Variants in KIF6 observed in about 807,000 individuals in gnomAD.
The protein encoded by KIF6 is kinesin-like protein KIF6.
Under a neutral mutation model 112.7 loss-of-function variants are expected in KIF6, and 106 were observed. That is an observed-to-expected ratio of 0.94 (90% CI 0.80 to 1.11). KIF6 has a LOEUF of 1.11. KIF6 is among the 50% of genes least tolerant of loss of function. The probability of loss-of-function intolerance (pLI) is 0.00; values close to 1 mark genes in which losing one functional copy is unlikely to be tolerated. For missense variants in KIF6, 929 were observed against 964.0 expected (o/e 0.96, Z 0.48); for synonymous variants, 339 against 339.9 (o/e 1.00, Z 0.03).
chr6:39,362,343 CCTGAG>C, intron 17 of KIF6, 86 bp downstream of exon 17: 1 of 954,096 alleles, frequency 1.0e-6, no homozygotes, highest in Non-Finnish European at 1.7e-6. Flanking sequence ...GACCCACATC[CCTGAG>C]TAGCTGCAGC....
intron 3 of KIF6, among the ~76,000 whole-genome samples, chr6:39,641,834 T>C (rs920239423): frequency 3.9e-5 from 6 of 152,152 alleles, no homozygotes; most frequent in African/African-American, 1.4e-4. Flanking sequence ...CCAGTTGTCC[T>C]AGTATGTCTG....
chr6:39,393,004 T>A (rs907718420), intron 15 of KIF6, among the ~76,000 whole-genome samples: 2 of 152,260 alleles, frequency 1.3e-5, no homozygotes, highest in East Asian at 3.9e-4. Flanking sequence ...TTACAGAACT[T>A]CAGGGAATCA....
intron 10 of KIF6, among the ~76,000 whole-genome samples, chr6:39,566,403 G>A (rs1426973777): frequency 6.6e-6 from 1 of 152,102 alleles, no homozygotes; most frequent in Non-Finnish European, 1.5e-5. Context: ...ATATCTTAAA[G>A]GTTTCGGCAA....
intron 13 of KIF6, among the ~76,000 whole-genome samples, chr6:39,447,962 T>G (rs1268021030): frequency 6.6e-6 from 1 of 152,178 alleles, no homozygotes; most frequent in Non-Finnish European, 1.5e-5. Flanking sequence ...TGCACGTAAC[T>G]GCTACTGGTC....
intron 9 of KIF6, among the ~76,000 whole-genome samples, chr6:39,579,110 T>A (rs1403877973): frequency 2.0e-5 from 3 of 152,330 alleles, no homozygotes; most frequent in African/African-American, 7.2e-5. Flanking sequence ...AGAAGTAGGA[T>A]TTCCTGGCTG....
chr6:39,429,720 A>G (rs936692326), intron 14 of KIF6, among the ~76,000 whole-genome samples: 6 of 152,176 alleles, frequency 3.9e-5, no homozygotes, highest in East Asian at 3.9e-4. Flanking sequence ...CATCGTGGCT[A>G]ACACAGTGAA....
chr6:39,434,625 A>G (rs1203185668), intron 13 of KIF6, among the ~76,000 whole-genome samples: 2 of 152,046 alleles, frequency 1.3e-5, no homozygotes, highest in Non-Finnish European at 2.9e-5. Flanking sequence ...AAGAAAAGTG[A>G]ACAAATATTT....
At chr6:39,533,575 T>TG (rs1473244715) in intron 13 of KIF6, among the ~76,000 whole-genome samples, 1 of 152,180 alleles carries the variant, frequency 6.6e-6, no homozygotes, top group African/African-American at 2.4e-5. Context: ...GCTCCACCTC[T>TG]GGGGGCAGGG....
chr6:39,539,767 A>G (rs1778680974), intron 13 of KIF6, among the ~76,000 whole-genome samples: 2 of 152,174 alleles, frequency 1.3e-5, no homozygotes, highest in African/African-American at 4.8e-5. Flanking sequence ...TAACTTTTTT[A>G]CTGTTACCCT....
chr6:39,339,840 C>G (rs1482404941), intron 22 of KIF6, among the ~76,000 whole-genome samples: 1 of 152,182 alleles, frequency 6.6e-6, no homozygotes, highest in Non-Finnish European at 1.5e-5. Flanking sequence ...TTGGTGAAGC[C>G]TAAGAGCTGG....
At chr6:39,677,193 A>T (rs960461312) in intron 3 of KIF6, among the ~76,000 whole-genome samples, 1 of 152,114 alleles carries the variant, frequency 6.6e-6, no homozygotes, top group Non-Finnish European at 1.5e-5. Context: ...AATAGACTTT[A>T]AGATATAAAG....
chr6:39,623,118 T>C (rs1365959382), intron 5 of KIF6, among the ~76,000 whole-genome samples: 1 of 152,238 alleles, frequency 6.6e-6, no homozygotes, highest in Non-Finnish European at 1.5e-5. Flanking sequence ...TTACATTGTA[T>C]AGAATATGAT....
At chr6:39,369,144 C>A (rs1765780714) in intron 16 of KIF6, among the ~76,000 whole-genome samples, 2 of 152,222 alleles carry the variant, frequency 1.3e-5, no homozygotes, top group South Asian at 4.1e-4. Flanking sequence ...CAATGGTCAG[C>A]AGCTCAGAGG....
intron 14 of KIF6, among the ~76,000 whole-genome samples, chr6:39,429,632 A>T (rs113524498): frequency 6.6e-6 from 1 of 152,192 alleles, no homozygotes; most frequent in Non-Finnish European, 1.5e-5. Context: ...TTTTTAGGCC[A>T]GGCGCAGTGG....
At chr6:39,580,806 C>A (rs1206542955) in intron 9 of KIF6, among the ~76,000 whole-genome samples, 1 of 152,156 alleles carries the variant, frequency 6.6e-6, no homozygotes, top group Non-Finnish European at 1.5e-5. Context: ...TAGAACATTA[C>A]AGACCTGTCT....
intron 16 of KIF6, among the ~76,000 whole-genome samples, chr6:39,379,099 A>G (rs1344015108): frequency 1.3e-5 from 2 of 152,198 alleles, no homozygotes; most frequent in Admixed American, 1.3e-4. Flanking sequence ...TCTGGCTTGT[A>G]TTTAGTTCCA....
intron 5 of KIF6, among the ~76,000 whole-genome samples, chr6:39,622,709 C>A (rs1008010876): frequency 1.3e-5 from 2 of 152,216 alleles, no homozygotes; most frequent in African/African-American, 4.8e-5. Context: ...AAATTCTGGT[C>A]AGTGACAAAT....
At chr6:39,539,280 A>G (rs1248901591) in intron 13 of KIF6, among the ~76,000 whole-genome samples, 1 of 151,952 alleles carries the variant, frequency 6.6e-6, no homozygotes, top group East Asian at 1.9e-4. Flanking sequence ...AGTTGGCCCA[A>G]CCCTGCCAAA....
chr6:39,615,329 T>C (rs1188268893), intron 5 of KIF6, among the ~76,000 whole-genome samples: 1 of 152,200 alleles, frequency 6.6e-6, no homozygotes, highest in Non-Finnish European at 1.5e-5. Flanking sequence ...ATACTATTCT[T>C]GTGCAAGTTT....
Sources: allele counts gnomAD v4.1 joint callset (sites outside exome capture counted in the v4.1 genomes callset), GRCh38; gene constraint gnomAD v4.1.1; transcripts MANE v1.5; gene names NCBI Gene and HGNC (gene_info 2026-07-23, HGNC 2026-07-21).